Variants in GDAP1L1 observed in about 807,000 individuals in gnomAD.
GDAP1L1 encodes ganglioside induced differentiation associated protein 1 like 1, also known as ganglioside-induced differentiation-associated protein 1-like 1.
GDAP1L1 carries 21 observed loss-of-function variants against 37.1 expected under a neutral mutation model. That is an observed-to-expected ratio of 0.57 (90% CI 0.40 to 0.81). The LOEUF (loss-of-function observed/expected upper bound fraction) is 0.81. Ranked by LOEUF, GDAP1L1 falls within the 40% of genes least tolerant of loss-of-function variation. The pLI is 0.00. For missense variants in GDAP1L1, 362 were observed against 491.6 expected, an observed-to-expected ratio of 0.74 and a Z score of 2.49; for synonymous variants, 193 against 209.1, an observed-to-expected ratio of 0.92 and a Z score of 0.67.
chr20:44,259,689 G>A (rs903124105), intron 3 of GDAP1L1, among the ~76,000 whole-genome samples: 4 of 152,022 alleles, frequency 2.6e-5, no homozygotes, highest in Non-Finnish European at 4.4e-5. Context: ...TAGAGATGAG[G>A]TTTTGCCATA....
chr20:44,261,409 T>C (rs780896191), intron 3 of GDAP1L1, among the ~76,000 whole-genome samples: 12 of 152,156 alleles, frequency 7.9e-5, no homozygotes, highest in Admixed American at 7.9e-4. Context: ...GGACAGGAGA[T>C]GGGGCAGTAG....
intron 1 of GDAP1L1, among the ~76,000 whole-genome samples, chr20:44,253,471 C>T (rs60004004): frequency 0.014 from 2,134 of 152,174 alleles, 49 homozygotes; most frequent in African/African-American, 0.049. Flanking sequence ...AAAGTCACAC[C>T]GCAACTAAAT....
At chr20:44,268,228 T>C (rs2062476305) in intron 5 of GDAP1L1, among the ~76,000 whole-genome samples, 1 of 152,280 alleles carries the variant, frequency 6.6e-6, no homozygotes, top group Admixed American at 6.5e-5. Flanking sequence ...CCTAGCTCTG[T>C]GACCTTGTGG....
At chr20:44,250,047 T>C (rs1278568899) in intron 1 of GDAP1L1, among the ~76,000 whole-genome samples, 1 of 152,188 alleles carries the variant, frequency 6.6e-6, no homozygotes, top group African/African-American at 2.4e-5. Flanking sequence ...TCTCCAATCC[T>C]GAAGGGCCTT....
At chr20:44,249,430 G>A (rs6073384) in intron 1 of GDAP1L1, among the ~76,000 whole-genome samples, 27,962 of 152,138 alleles carry the variant, frequency 0.18, 2,846 homozygotes, top group Middle Eastern at 0.27. Context: ...ATGCTTGCAC[G>A]TGCCAGGCCT....
At chr20:44,248,660 G>C (rs1021847524) in intron 1 of GDAP1L1, among the ~76,000 whole-genome samples, 1 of 152,232 alleles carries the variant, frequency 6.6e-6, no homozygotes, top group Non-Finnish European at 1.5e-5. Flanking sequence ...TAGTGTTATA[G>C]ACTGGGACTA....
At chr20:44,247,765 C>T (rs2073359780) in intron 1 of GDAP1L1, among the ~76,000 whole-genome samples, 1 of 142,196 alleles carries the variant, frequency 7.0e-6, no homozygotes, top group South Asian at 2.3e-4. Flanking sequence ...CTCCCAGAAA[C>T]AGCCGGTCTG....
intron 1 of GDAP1L1, among the ~76,000 whole-genome samples, chr20:44,256,870 C>T (rs930189738): frequency 2.0e-5 from 3 of 152,254 alleles, no homozygotes; most frequent in Admixed American, 6.5e-5. Flanking sequence ...ACTCACACAG[C>T]CAGGAATCCT....
In GDAP1L1 at chr20:44,258,598, G is replaced by T; in HGVS notation, c.538G>T (p.Glu180Ter). The T allele has an allele frequency of 6.3e-7, 1 of 1,599,622 alleles. No homozygotes were observed. ...CATGATCCCCAAGTACGCCACGGCC[G>T]AGATCCGCAGTGAGTGCCAGGGCGG... is the stretch of plus-strand genomic sequence containing the variant. ...DSMIPKYATA[E>*]IRRHLANATT... The change falls in exon 3 of 6, where the codon GAG (glutamate) becomes TAG (stop). Residue 180 changes from glutamate to a stop codon, truncating the protein, a stop_gained. Coordinates refer to ENST00000342560, the MANE Select transcript of GDAP1L1 (RefSeq NM_024034.6). LOFTEE classifies it high-confidence loss of function.
chr20:44,257,511 T>A (rs2073581704), intron 2 of GDAP1L1, among the ~76,000 whole-genome samples, 166 bp downstream of exon 2: 1 of 151,992 alleles, frequency 6.6e-6, no homozygotes, highest in Admixed American at 6.5e-5. Context: ...CAGGCAGGGT[T>A]CAGATGCCCC....
chr20:44,258,737 A>T (rs1229553287), intron 3 of GDAP1L1, 130 bp downstream of exon 3: 1 of 683,146 alleles, frequency 1.5e-6, no homozygotes, highest in Admixed American at 2.7e-5. Flanking sequence ...TCCCTCTTGC[A>T]TTCTCCATTT....
intron 3 of GDAP1L1, 45 bp downstream of exon 3, chr20:44,258,652 G>C: frequency 3.5e-6 from 5 of 1,425,018 alleles, no homozygotes; most frequent in Non-Finnish European, 4.8e-6. Flanking sequence ...TTCCCCCTTT[G>C]CGCCGCTCCT....
At chr20:44,256,645 G>A (rs2073551807) in intron 1 of GDAP1L1, among the ~76,000 whole-genome samples, 2 of 151,724 alleles carry the variant, frequency 1.3e-5, no homozygotes, top group Admixed American at 6.6e-5. Flanking sequence ...GGGCAATAGA[G>A]CAAGACTCTG....
intron 3 of GDAP1L1, among the ~76,000 whole-genome samples, chr20:44,259,380 T>C (rs1012615652): frequency 6.6e-6 from 1 of 152,198 alleles, no homozygotes; most frequent in Non-Finnish European, 1.5e-5. Context: ...AATGGTCATG[T>C]CGTCCCCCTC....
chr20:44,257,611 C>T (rs115185833), intron 2 of GDAP1L1, among the ~76,000 whole-genome samples: 1 of 151,688 alleles, frequency 6.6e-6, no homozygotes, highest in African/African-American at 2.4e-5. Flanking sequence ...GACACCCCCC[C>T]ACCAGGAGCA....
At chr20:44,266,040 G>A (rs879773210) in intron 5 of GDAP1L1, among the ~76,000 whole-genome samples, 4 of 152,216 alleles carry the variant, frequency 2.6e-5, no homozygotes, top group Non-Finnish European at 5.9e-5. Context: ...TGGGCACAAT[G>A]GCTCACGCCT....
intron 5 of GDAP1L1, among the ~76,000 whole-genome samples, chr20:44,266,328 A>T (rs2073761592): frequency 6.6e-6 from 1 of 152,042 alleles, no homozygotes; most frequent in Non-Finnish European, 1.5e-5. Context: ...ACCAAAAAAA[A>T]AAAAGGAACT....
rs1266290205 is a variant in GDAP1L1, at chr20:44,265,219, G to A, written c.760+660G>A. On this transcript the variant is annotated intron_variant, in intron 5 of 5. Transcript: ENST00000342560. ...TTGACCTTGACTCTTCCTGCTCCCAGCTGGGCCTCTAAACTTGGACATGCC... is the reference window on the plus strand; with the variant it reads ...TTGACCTTGACTCTTCCTGCTCCCAACTGGGCCTCTAAACTTGGACATGCC... 3 of 985,220 alleles carry A rather than the reference G, an allele frequency of 3.0e-6. No homozygotes were observed. The African/African-American group carries it at 5.2e-5, about 17-fold the overall frequency. 61.0% of individuals were successfully genotyped at this position (985,220 alleles called of 1,614,324 possible).
intron 4 of GDAP1L1, 119 bp downstream of exon 4, chr20:44,263,446 G>A (rs1467333360): frequency 5.1e-6 from 4 of 781,494 alleles, no homozygotes; most frequent in Non-Finnish European, 8.6e-6. Context: ...CCCCTGGCTT[G>A]CTTTTCCAAT....
Sources: gnomAD v4.1 joint callset for allele counts (sites outside exome capture counted in the v4.1 genomes callset) on GRCh38, gnomAD v4.1.1 for gene constraint, MANE v1.5 for transcripts, NCBI Gene and HGNC (gene_info 2026-07-23, HGNC 2026-07-21) for gene names.